The following TG variants were observed in gnomAD, a reference collection of about 807,000 sequenced individuals.
TG encodes thyroid hormones.
Under a neutral mutation model 324.7 loss-of-function variants are expected in TG, and 270 were observed. The observed-to-expected ratio is 0.83, with a 90% CI of 0.75 to 0.92. TG has a LOEUF of 0.92. Among genes scored for constraint, TG ranks in the 40% least tolerant of loss-of-function variants. TG has a pLI of 0.00. For missense variants in TG, 3,591 were observed against 3,456.4 expected, an observed-to-expected ratio of 1.04 and a Z score of -0.98; for synonymous variants, 1,401 against 1,327.0, an observed-to-expected ratio of 1.06 and a Z score of -1.21.
In TG at chr8:132,880,578, G is replaced by GA. The variant is rs544156368; in HGVS notation, c.639-1278dup. ...CACAGAACAATAGATTAATAGCATG[G>GA]AAAAAAACCTCATCCATAATCCTAT... On this transcript the variant is annotated intron_variant, in intron 5 of 47. Coordinates refer to ENST00000220616, the MANE Select transcript of TG (RefSeq NM_003235.5). Among the ~76,000 whole-genome samples the GA allele has an allele frequency of 7.8e-4, 118 of 152,150 alleles. 1 individual carries two copies. The East Asian group carries it at 0.019, about 25-fold the overall frequency.
At chr8:132,921,795 C>T (rs1821146748) in intron 21 of TG, among the ~76,000 whole-genome samples, 1 of 152,152 alleles carries the variant, frequency 6.6e-6, no homozygotes, top group South Asian at 2.1e-4. Context: ...TGTATTAACT[C>T]ATGTATAGCA....
At chr8:133,022,652 T>G (rs1835666617) in intron 40 of TG, among the ~76,000 whole-genome samples, 1 of 152,144 alleles carries the variant, frequency 6.6e-6, no homozygotes, top group African/African-American at 2.4e-5. Flanking sequence ...CAATGGCCTG[T>G]CCCTCATCAC....
chr8:132,885,129 T>TGGG (rs35717199), intron 8 of TG, among the ~76,000 whole-genome samples: 29 of 137,988 alleles, frequency 2.1e-4, no homozygotes, highest in African/African-American at 7.9e-4. Context: ...TTTTAAAAGT[T>TGGG]GGGGGGGGGG....
intron 35 of TG, among the ~76,000 whole-genome samples, chr8:132,996,744 G>T (rs73357249): frequency 6.6e-6 from 1 of 152,180 alleles, no homozygotes; most frequent in Non-Finnish European, 1.5e-5. Context: ...GGAGGCAGCT[G>T]TAGAAGGGGA....
At chr8:132,919,752 T>C (rs1306051370) in intron 21 of TG, among the ~76,000 whole-genome samples, 1 of 152,172 alleles carries the variant, frequency 6.6e-6, no homozygotes, top group Non-Finnish European at 1.5e-5. Flanking sequence ...GCCAAATGTC[T>C]CTTGGGTGGA....
chr8:132,915,256 G>A (rs1176975376), intron 20 of TG, among the ~76,000 whole-genome samples: 4 of 152,298 alleles, frequency 2.6e-5, no homozygotes, highest in South Asian at 2.1e-4. Flanking sequence ...GAGGTAAAGG[G>A]AAGGCAGAGA....
At chr8:133,114,642 G>T (rs1397933955) in intron 44 of TG, among the ~76,000 whole-genome samples, 1 of 152,178 alleles carries the variant, frequency 6.6e-6, no homozygotes, top group Non-Finnish European at 1.5e-5. Flanking sequence ...TTTTCTGAGG[G>T]CTCTCCAGTC....
chr8:133,088,155 C>T (rs873177), intron 41 of TG, among the ~76,000 whole-genome samples: 1 of 152,052 alleles, frequency 6.6e-6, no homozygotes, highest in South Asian at 2.1e-4. Context: ...TTGGGATAGA[C>T]TCTCCCTTGT....
At chr8:132,915,938 C>T (rs973107327) in intron 20 of TG, among the ~76,000 whole-genome samples, 1 of 152,230 alleles carries the variant, frequency 6.6e-6, no homozygotes, top group African/African-American at 2.4e-5. Flanking sequence ...ACCAAAAGCC[C>T]TGAATTTTCT....
At chr8:132,949,083 A>T in intron 27 of TG, 140 bp downstream of exon 27, 1 of 789,492 alleles carries the variant, frequency 1.3e-6, no homozygotes, top group Middle Eastern at 2.4e-4. Flanking sequence ...TACCAATCAT[A>T]CTGGATGGAA....
At chr8:133,003,676 G>A (rs1425638317) in intron 35 of TG, among the ~76,000 whole-genome samples, 2 of 152,164 alleles carry the variant, frequency 1.3e-5, no homozygotes, top group Non-Finnish European at 2.9e-5. Flanking sequence ...TCACCCAGAG[G>A]CCCGCCTGTG....
intron 34 of TG, among the ~76,000 whole-genome samples, chr8:132,980,818 T>G (rs1022753751): frequency 6.6e-6 from 1 of 152,180 alleles, no homozygotes; most frequent in Non-Finnish European, 1.5e-5. Context: ...ATCAGAAATG[T>G]TGTGAGTAAA....
intron 34 of TG, among the ~76,000 whole-genome samples, chr8:132,980,971 A>C (rs546408502): frequency 2.8e-4 from 43 of 152,268 alleles, no homozygotes; most frequent in African/African-American, 4.3e-4. Context: ...GTGCCAGCAG[A>C]AGACTTTATG....
intron 41 of TG, among the ~76,000 whole-genome samples, chr8:133,085,438 T>G (rs961509179): frequency 7.9e-5 from 12 of 151,946 alleles, no homozygotes; most frequent in African/African-American, 2.9e-4. Flanking sequence ...TGGGAGAAAA[T>G]ATTTGCAAAT....
chr8:133,132,977 T>G (rs1310234762), intron 46 of TG, among the ~76,000 whole-genome samples: 2 of 152,174 alleles, frequency 1.3e-5, no homozygotes, highest in Admixed American at 1.3e-4. Flanking sequence ...TTGGGCTACA[T>G]GGCAGGGCAT....
At chr8:132,868,778 G>A (rs1839207323) in intron 2 of TG, among the ~76,000 whole-genome samples, 1 of 152,242 alleles carries the variant, frequency 6.6e-6, no homozygotes, top group Non-Finnish European at 1.5e-5. Flanking sequence ...CAGACTTGGG[G>A]CCTGAGACCC....
intron 40 of TG, among the ~76,000 whole-genome samples, chr8:133,024,390 CTTTTTCTTTT>C (rs1312347667): frequency 7.3e-5 from 3 of 41,080 alleles, no homozygotes; most frequent in African/African-American, 3.6e-4. Context: ...TTCTTTCTTT[CTTTTTCTTTT>C]TTTAATTTTA....
chr8:132,910,484 C>T (rs1292745638), intron 18 of TG, among the ~76,000 whole-genome samples: 1 of 152,134 alleles, frequency 6.6e-6, no homozygotes, highest in African/African-American at 2.4e-5. Flanking sequence ...TTGTGTCCCC[C>T]CGAAATTCAT....
chr8:133,068,781 A>C (rs1002184714), intron 41 of TG, among the ~76,000 whole-genome samples: 10 of 152,228 alleles, frequency 6.6e-5, no homozygotes, highest in African/African-American at 2.2e-4. Flanking sequence ...CATGGAAATA[A>C]AAAGAGCCCA....
Sources: gnomAD v4.1 joint callset for allele counts (sites outside exome capture counted in the v4.1 genomes callset) on GRCh38, gnomAD v4.1.1 for gene constraint, MANE v1.5 for transcripts, NCBI Gene and HGNC (gene_info 2026-07-23, HGNC 2026-07-21) for gene names.